SIMC1: variants seen among roughly 807,000 people sequenced by gnomAD.
SIMC1 encodes the protein SUMO-interacting motif-containing protein 1.
Under a neutral mutation model 82.3 loss-of-function variants are expected in SIMC1, and 55 were observed. That is an observed-to-expected ratio of 0.67 (90% CI 0.54 to 0.84). The LOEUF (loss-of-function observed/expected upper bound fraction) is 0.84. Ranked by LOEUF, SIMC1 falls within the 40% of genes least tolerant of loss-of-function variation. SIMC1 has a pLI of 0.00. For synonymous variants in SIMC1, 353 were observed against 426.3 expected (o/e 0.83, Z 2.12); for missense variants, 915 against 1,107.2 (o/e 0.83, Z 2.46).
intron 9 of SIMC1, 88 bp downstream of exon 9, chr5:176,337,234 T>C: frequency 8.8e-7 from 1 of 1,132,986 alleles, no homozygotes; most frequent in Non-Finnish European, 1.3e-6. Flanking sequence ...TTCTGATTTG[T>C]TGACATTGTT....
rs1331703201 is a variant in SIMC1, at chr5:176,295,129, A to G, written c.1531A>G (p.Met511Val). 1.9e-6 allele frequency: 3 copies of G among 1,613,694 alleles called. No individual in the cohort carries two copies. Among genetic ancestry groups the G allele is most frequent in the Non-Finnish European group, 1.7e-6 (2 of 1,179,714 alleles). ...TCCTCTGGGGACTGTGCAGTTTTTG[A>G]TGGACTTTGTGTCACCCCAGCATTA... Reference protein sequence around the residue: ...NFPLGTVQFLMDFVSPQHYPP... With the variant: ...NFPLGTVQFLVDFVSPQHYPP... Residue 511 changes from methionine to valine, a missense_variant, in exon 3 of 10, where the codon ATG becomes GTG. Physicochemically the swap from Met to Val is conservative, Grantham distance 21. Transcript: ENST00000429602.
At chr5:176,291,154 C>T (rs1763543891) in intron 2 of SIMC1, among the ~76,000 whole-genome samples, 199 bp downstream of exon 2, 1 of 118,424 alleles carries the variant, frequency 8.4e-6, no homozygotes, top group Non-Finnish European at 1.8e-5. Context: ...AAAACTGTCA[C>T]TTTACTTTTT....
intron 7 of SIMC1, among the ~76,000 whole-genome samples, chr5:176,328,809 A>T (rs1453365880): frequency 2.6e-5 from 4 of 152,190 alleles, no homozygotes. Context: ...TCACTTGAGC[A>T]CAGGCGTATG....
chr5:176,316,933 GC>G (rs1376572766), intron 5 of SIMC1, among the ~76,000 whole-genome samples: 3 of 152,286 alleles, frequency 2.0e-5, no homozygotes, highest in Non-Finnish European at 2.9e-5. Context: ...GTTGCAGTGA[GC>G]CAGGATTGCA....
chr5:176,313,868 G>T (rs199698815), intron 5 of SIMC1, 23 bp downstream of exon 5: 2 of 1,612,504 alleles, frequency 1.2e-6, no homozygotes, highest in Non-Finnish European at 1.7e-6. Context: ...CTGAGCCCTC[G>T]GATGAGAAGA....
At chr5:176,339,448 G>A (rs1766038418) in intron 9 of SIMC1, among the ~76,000 whole-genome samples, 1 of 152,144 alleles carries the variant, frequency 6.6e-6, no homozygotes, top group Admixed American at 6.5e-5. Context: ...TCAAAGAAAG[G>A]TGCATGTCCT....
chr5:176,249,614 G>A (rs1424403674), intron 1 of SIMC1, among the ~76,000 whole-genome samples: 1 of 151,930 alleles, frequency 6.6e-6, no homozygotes, highest in Non-Finnish European at 1.5e-5. Flanking sequence ...GCTGAGGTGG[G>A]CATATCACAA....
chr5:176,283,388 G>T (rs895696208), intron 1 of SIMC1, among the ~76,000 whole-genome samples: 1 of 152,194 alleles, frequency 6.6e-6, no homozygotes, highest in African/African-American at 2.4e-5. Context: ...TTAAAGAAAA[G>T]AATTTTCAAC....
At chr5:176,270,453 C>T (rs890806917) in intron 1 of SIMC1, 2 of 152,002 alleles carry the variant, frequency 1.3e-5, no homozygotes, top group African/African-American at 4.8e-5. Flanking sequence ...CATTTGTCCC[C>T]CAAGCAAGAA....
intron 7 of SIMC1, among the ~76,000 whole-genome samples, chr5:176,332,101 C>A (rs1277318820): frequency 6.6e-6 from 1 of 152,126 alleles, no homozygotes; most frequent in East Asian, 1.9e-4. Context: ...TTGTTTTAGC[C>A]AGCTGAAAAT....
chr5:176,303,390 C>G (rs1365706795), intron 4 of SIMC1, among the ~76,000 whole-genome samples: 1 of 147,350 alleles, frequency 6.8e-6, no homozygotes, highest in Non-Finnish European at 1.5e-5. Context: ...TGTGATGGCG[C>G]AATCTCAGCT....
chr5:176,246,041 G>A (rs1172113873), intron 1 of SIMC1, among the ~76,000 whole-genome samples: 19 of 142,130 alleles, frequency 1.3e-4, no homozygotes, highest in African/African-American at 4.8e-4. Context: ...GACGAGTCTC[G>A]CTCTGTCACC....
intron 1 of SIMC1, among the ~76,000 whole-genome samples, chr5:176,286,344 C>A (rs1274278996): frequency 6.6e-6 from 1 of 152,258 alleles, no homozygotes; most frequent in Non-Finnish European, 1.5e-5. Context: ...ACATCTACAA[C>A]CATCTGATCT....
chr5:176,318,701 A>T (rs1256908332), intron 5 of SIMC1, among the ~76,000 whole-genome samples: 2 of 152,244 alleles, frequency 1.3e-5, no homozygotes, highest in African/African-American at 4.8e-5. Context: ...TTATCTTCTC[A>T]TACATTGATT....
intron 7 of SIMC1, among the ~76,000 whole-genome samples, chr5:176,331,444 TAGCTGGGATTAC>T (rs1290491891): frequency 6.7e-6 from 1 of 149,920 alleles, no homozygotes; most frequent in African/African-American, 2.5e-5. Context: ...GCCTTCTGAG[TAGCTGGGATTAC>T]AGGTGCCCCC....
In SIMC1 at chr5:176,290,250, C is replaced by T. The variant is rs748247441; in HGVS notation, c.726C>T (p.Cys242=). 3.6e-5 allele frequency: 58 copies of T among 1,613,004 alleles called. No individual in the cohort carries two copies. The highest frequency in any genetic ancestry group is 4.8e-5 in the Non-Finnish European group (57 of 1,179,292). ...CATGTCCACCACGAGCCTCCTCATG[C>T]CCACCACGAGCCTTGTCATGCCCAT... ...ASPCPPRASS[C]PPRALSCPSQ... is the part of the protein sequence containing the mutation. Residue 242 remains cysteine, a synonymous_variant, in exon 2 of 10, where the codon TGC becomes TGT. Coordinates refer to ENST00000429602, the MANE Select transcript of SIMC1 (RefSeq NM_001308195.2).
chr5:176,247,547 A>C (rs905840865), intron 1 of SIMC1, among the ~76,000 whole-genome samples: 1 of 151,830 alleles, frequency 6.6e-6, no homozygotes, highest in Non-Finnish European at 1.5e-5. Context: ...ATTTTCTCCC[A>C]TTCTGTAGGT....
At chr5:176,264,236 C>T (rs1236876325) in intron 1 of SIMC1, among the ~76,000 whole-genome samples, 2 of 152,264 alleles carry the variant, frequency 1.3e-5, no homozygotes, top group East Asian at 3.8e-4. Context: ...CTCTGGAGGG[C>T]AGCAGCCTTG....
chr5:176,313,408 A>T, intron 4 of SIMC1: 1 of 1,543,452 alleles, frequency 6.5e-7, no homozygotes, highest in African/African-American at 1.4e-5. Flanking sequence ...GTGTTAGAAA[A>T]TTATAATTAT....
Sources: allele counts gnomAD v4.1 joint callset (sites outside exome capture counted in the v4.1 genomes callset), GRCh38; gene constraint gnomAD v4.1.1; transcripts MANE v1.5; gene names NCBI Gene and HGNC (gene_info 2026-07-23, HGNC 2026-07-21).